SYCP1: variants seen among roughly 807,000 people sequenced by gnomAD.
SYCP1 encodes the protein synaptonemal complex protein 1.
Under a neutral mutation model 153.1 loss-of-function variants are expected in SYCP1, and 64 were observed. That is an observed-to-expected ratio of 0.42 (90% CI 0.34 to 0.51). The LOEUF (loss-of-function observed/expected upper bound fraction) is 0.51, where lower values mean the gene tolerates loss of function less well. SYCP1 is among the 20% of genes least tolerant of loss of function. SYCP1 has a pLI of 0.06. For missense variants in SYCP1, 997 were observed against 1,049.0 expected, an observed-to-expected ratio of 0.95 and a Z score of 0.68; for synonymous variants, 384 against 341.8, an observed-to-expected ratio of 1.12 and a Z score of -1.36.
intron 27 of SYCP1, among the ~76,000 whole-genome samples, chr1:114,975,433 A>G (rs1044935729): frequency 1.3e-5 from 2 of 151,402 alleles, no homozygotes; most frequent in Non-Finnish European, 3.0e-5. Flanking sequence ...ATTTTAAAAT[A>G]ATGTATCTAA....
chr1:114,906,759 G>C (rs1232462603), intron 16 of SYCP1, among the ~76,000 whole-genome samples: 1 of 152,116 alleles, frequency 6.6e-6, no homozygotes, highest in Non-Finnish European at 1.5e-5. Flanking sequence ...TATCAGATAT[G>C]ATATATCTTA....
intron 1 of SYCP1, 57 bp downstream of exon 1, chr1:114,855,075 G>A (rs1209081538): frequency 6.5e-6 from 1 of 154,320 alleles, no homozygotes; most frequent in Non-Finnish European, 1.4e-5. Context: ...GCGGGGCGAT[G>A]TTGTGCTACT....
At chr1:114,904,124 T>C (rs1040070160) in intron 16 of SYCP1, among the ~76,000 whole-genome samples, 12 of 151,316 alleles carry the variant, frequency 7.9e-5, no homozygotes, top group Non-Finnish European at 1.5e-4. Flanking sequence ...TTCTTTCTTT[T>C]TTTTTTTTTT....
chr1:114,922,812 C>T (rs1346033339), intron 20 of SYCP1, among the ~76,000 whole-genome samples: 1 of 152,118 alleles, frequency 6.6e-6, no homozygotes, highest in Non-Finnish European at 1.5e-5. Context: ...ATCCAAAAGC[C>T]AAAATCTCAT....
chr1:114,925,029 T>C (rs146629238), intron 21 of SYCP1, among the ~76,000 whole-genome samples: 5 of 152,256 alleles, frequency 3.3e-5, no homozygotes, highest in Non-Finnish European at 5.9e-5. Flanking sequence ...ATTGCTCTTA[T>C]TTTATAAATT....
intron 16 of SYCP1, among the ~76,000 whole-genome samples, chr1:114,902,391 A>C (rs754018427): frequency 9.2e-5 from 14 of 152,186 alleles, no homozygotes; most frequent in Non-Finnish European, 1.9e-4. Context: ...GGATCAGGAA[A>C]GATTAGGCTT....
chr1:114,886,719 T>C (rs942959374), intron 14 of SYCP1, among the ~76,000 whole-genome samples: 2 of 152,084 alleles, frequency 1.3e-5, no homozygotes, highest in Non-Finnish European at 2.9e-5. Flanking sequence ...TAGCCTGGCA[T>C]AGGTAAGTAC....
chr1:114,938,355 A>G lies in SYCP1; in HGVS notation c.1927-5984A>G, dbSNP rs1194359610. On this transcript the variant is annotated intron_variant, in intron 23 of 31. Transcript: ENST00000369522. ...TAGGTGTGAATTGAACAATGAGAAC[A>G]CTTGGACACAGGGTGGGGAACATCA... Among the ~76,000 whole-genome samples the G allele has an allele frequency of 2.2e-5, 3 of 138,824 alleles. No homozygotes were observed. The East Asian group carries it at 7.2e-4, about 33-fold the overall frequency. The allele number at this position is 138,824 out of a possible 152,430, so 91.1% of individuals were successfully genotyped here.
At chr1:114,888,348 T>C (rs1227716912) in intron 15 of SYCP1, among the ~76,000 whole-genome samples, 1 of 152,054 alleles carries the variant, frequency 6.6e-6, no homozygotes, top group East Asian at 1.9e-4. Context: ...AAATATTTTA[T>C]AAAATATTTT....
intron 15 of SYCP1, among the ~76,000 whole-genome samples, chr1:114,888,657 C>A (rs930349491): frequency 6.6e-6 from 1 of 151,720 alleles, no homozygotes; most frequent in Non-Finnish European, 1.5e-5. Context: ...ATTCTTCCTT[C>A]GAGCATAAAA....
At chr1:114,882,928 T>C (rs1352905343) in intron 12 of SYCP1, among the ~76,000 whole-genome samples, 1 of 152,218 alleles carries the variant, frequency 6.6e-6, no homozygotes, top group African/African-American at 2.4e-5. Context: ...TACAAAAGTT[T>C]ACTTCTTAGA....
intron 16 of SYCP1, among the ~76,000 whole-genome samples, chr1:114,900,624 AC>A (rs1442438931): frequency 3.9e-5 from 6 of 152,210 alleles, no homozygotes; most frequent in Admixed American, 6.5e-5. Flanking sequence ...GTTCTTACAC[AC>A]CTCACATGTA....
Position 114,890,526 on chromosome 1 carries a change from A to C in SYCP1, c.1258+2833A>C, listed in dbSNP as rs1666632183. ...AATACTGATACCAAGAGGAAGCCTA[A>C]GATAGCAATGTGTACTGCATAGTTG... is the stretch of plus-strand genomic sequence containing the variant. On this transcript the variant is annotated intron_variant, in intron 15 of 31. Transcript: ENST00000369522. 3.3e-5 allele frequency among the ~76,000 whole-genome samples: 5 copies of C among 152,244 alleles called. No homozygotes were observed. In the South Asian group the frequency reaches 1.0e-3, roughly 32 times the overall value.
intron 27 of SYCP1, among the ~76,000 whole-genome samples, chr1:114,947,606 G>T (rs902391971): frequency 2.2e-4 from 34 of 151,776 alleles, no homozygotes; most frequent in African/African-American, 8.0e-4. Flanking sequence ...GAGGTCAGGA[G>T]ATCGAGACCA....
intron 23 of SYCP1, among the ~76,000 whole-genome samples, chr1:114,935,876 G>T (rs1669963559): frequency 6.6e-6 from 1 of 151,998 alleles, no homozygotes; most frequent in Admixed American, 6.6e-5. Flanking sequence ...TCACTGAGTA[G>T]ACCAAAAAGG....
At chr1:114,920,398 C>T (rs1273688381) in intron 20 of SYCP1, among the ~76,000 whole-genome samples, 10 of 152,158 alleles carry the variant, frequency 6.6e-5, no homozygotes, top group East Asian at 1.9e-4. Context: ...TGTGGCTTAA[C>T]GTATGGTCTG....
chr1:114,940,335 G>A (rs1257861740), intron 23 of SYCP1, among the ~76,000 whole-genome samples: 1 of 152,114 alleles, frequency 6.6e-6, no homozygotes, highest in African/African-American at 2.4e-5. Context: ...GGCCTCAAGT[G>A]ATCTGCCCAC....
intron 16 of SYCP1, among the ~76,000 whole-genome samples, chr1:114,907,820 A>G (rs1039167721): frequency 6.6e-6 from 1 of 151,978 alleles, no homozygotes; most frequent in Non-Finnish European, 1.5e-5. Context: ...TGACCTCGTG[A>G]TCCACCCGCC....
chr1:114,861,329 T>A (rs1275812629), intron 8 of SYCP1, among the ~76,000 whole-genome samples: 5 of 152,160 alleles, frequency 3.3e-5, no homozygotes, highest in Non-Finnish European at 7.4e-5. Context: ...TTCATTTTTT[T>A]AAATTATAAA....
Sources: allele counts gnomAD v4.1 joint callset (sites outside exome capture counted in the v4.1 genomes callset), GRCh38; gene constraint gnomAD v4.1.1; transcripts MANE v1.5; gene names NCBI Gene and HGNC (gene_info 2026-07-23, HGNC 2026-07-21).